Variants in CEMIP observed in about 807,000 individuals in gnomAD.
The protein encoded by CEMIP is cell migration-inducing and hyaluronan-binding protein.
A neutral mutation model predicts 156.9 loss-of-function variants in CEMIP; 105 were observed. That is an observed-to-expected ratio of 0.67 (90% CI 0.57 to 0.79). CEMIP has a LOEUF of 0.79. CEMIP is among the 30% of genes least tolerant of loss of function. The probability of loss-of-function intolerance (pLI) is 0.00; values close to 1 mark genes in which losing one functional copy is unlikely to be tolerated. For synonymous variants in CEMIP, 676 were observed against 668.4 expected (o/e 1.01, Z -0.17); for missense variants, 1,457 against 1,769.4 (o/e 0.82, Z 3.17).
intron 7 of CEMIP, among the ~76,000 whole-genome samples, chr15:80,886,638 A>G (rs1357362052): frequency 6.6e-6 from 1 of 152,246 alleles, no homozygotes; most frequent in Non-Finnish European, 1.5e-5. Context: ...AGAAAAGCAC[A>G]CAAATGTATT....
At chr15:80,882,312 G>T (rs903687980) in intron 6 of CEMIP, among the ~76,000 whole-genome samples, 2 of 152,218 alleles carry the variant, frequency 1.3e-5, no homozygotes, top group African/African-American at 4.8e-5. Context: ...TGTGAGGCAA[G>T]TTCTGTTATT....
intron 24 of CEMIP, 82 bp downstream of exon 24, chr15:80,936,967 G>C (rs532795642): frequency 7.7e-7 from 1 of 1,300,318 alleles, no homozygotes; most frequent in African/African-American, 1.4e-5. Context: ...TGCGTCTAAC[G>C]AAACCACAGG....
intron 1 of CEMIP, among the ~76,000 whole-genome samples, chr15:80,796,437 C>A (rs1896225823): frequency 6.6e-6 from 1 of 152,200 alleles, no homozygotes. Flanking sequence ...TGATGGAGAA[C>A]TTGAAACCCA....
chr15:80,836,399 C>T (rs549798155), intron 1 of CEMIP, among the ~76,000 whole-genome samples: 1 of 146,784 alleles, frequency 6.8e-6, no homozygotes, highest in East Asian at 1.9e-4. Flanking sequence ...TCGCCAGTGT[C>T]TGGCATCCCT....
chr15:80,898,191 C>T (rs11638450), intron 12 of CEMIP, among the ~76,000 whole-genome samples: 50,256 of 152,124 alleles, frequency 0.33, 9,235 homozygotes, highest in Admixed American at 0.45. Flanking sequence ...AGAACATGGG[C>T]TTTGGAACAA....
intron 1 of CEMIP, among the ~76,000 whole-genome samples, chr15:80,830,124 A>C (rs1019393754): frequency 2.6e-5 from 4 of 152,164 alleles, no homozygotes; most frequent in Non-Finnish European, 5.9e-5. Flanking sequence ...CTTGTCTCAC[A>C]ATTCCTCATG....
At chr15:80,785,226 C>G (rs1311155197) in intron 1 of CEMIP, among the ~76,000 whole-genome samples, 1 of 152,206 alleles carries the variant, frequency 6.6e-6, no homozygotes, top group African/African-American at 2.4e-5. Flanking sequence ...CTAACTCTGG[C>G]TCCAGACACT....
At chr15:80,839,018 C>T (rs949620154) in intron 1 of CEMIP, among the ~76,000 whole-genome samples, 1 of 152,148 alleles carries the variant, frequency 6.6e-6, no homozygotes, top group African/African-American at 2.4e-5. Context: ...TGAGGCCACC[C>T]GCAGGCGTCT....
intron 1 of CEMIP, among the ~76,000 whole-genome samples, chr15:80,866,207 CAGGGAACTGT>C (rs1282205774): frequency 6.6e-6 from 1 of 152,164 alleles, no homozygotes; most frequent in Non-Finnish European, 1.5e-5. Flanking sequence ...TCTGTTATCA[CAGGGAACTGT>C]AGCATCTCTC....
In CEMIP at chr15:80,942,316, G is replaced by T. The variant is rs1212094824; in HGVS notation, c.3678G>T (p.Trp1226Cys). The T allele has an allele frequency of 1.2e-6, 2 of 1,614,032 alleles. No homozygotes were observed. The highest frequency in any genetic ancestry group is 2.7e-5 in the African/African-American group (2 of 74,924). ...ESSKQHFFHL[W>C]NDFAYIEVDG... ...CCAAGCAGCACTTCTTCCACCTCTG[G>T]AACGACTTCGCTTACATTGAAGTAA... The change falls in exon 27 of 30, where the codon TGG (tryptophan) becomes TGT (cysteine). Residue 1226 changes from tryptophan to cysteine, a missense_variant. By Grantham distance (215) the Trp-to-Cys change is radical (BLOSUM62 -2). Coordinates refer to ENST00000394685, the MANE Select transcript of CEMIP (RefSeq NM_001293298.2).
rs1453023560 is a variant in CEMIP at position 80,782,479 on chromosome 15, G to A, written c.-176+2865G>A. 3.9e-5 allele frequency among the ~76,000 whole-genome samples: 6 copies of A among 152,176 alleles called. No homozygotes were observed. In the South Asian group the frequency reaches 6.2e-4, roughly 16 times the overall value. ...CTTATTTGATCCCAGCTGGACTGGA[G>A]GGTCCCTTCCAGCTCTGCATTTCAG... On this transcript the variant is annotated intron_variant, in intron 1 of 29. Transcript: ENST00000394685.
chr15:80,933,061 C>CT (rs1214879227), intron 22 of CEMIP, among the ~76,000 whole-genome samples, 184 bp from the exon 23 acceptor site: 18 of 152,214 alleles, frequency 1.2e-4, no homozygotes, highest in Admixed American at 7.9e-4. Context: ...CACAGTGAAC[C>CT]TTTGACTGTG....
At chr15:80,845,356 G>A (rs61164129) in intron 1 of CEMIP, among the ~76,000 whole-genome samples, 70,491 of 151,892 alleles carry the variant, frequency 0.46, 17,270 homozygotes, top group Non-Finnish European at 0.55. Context: ...TCTTGAGCCT[G>A]GGAGGTCAAG....
chr15:80,864,241 T>C (rs1898061821), intron 1 of CEMIP, among the ~76,000 whole-genome samples: 2 of 152,242 alleles, frequency 1.3e-5, no homozygotes, highest in South Asian at 4.1e-4. Context: ...TGAGGGACTC[T>C]CATTAGGTCA....
chr15:80,872,065 C>G (rs1031986830), intron 1 of CEMIP, among the ~76,000 whole-genome samples: 1 of 152,202 alleles, frequency 6.6e-6, no homozygotes, highest in Non-Finnish European at 1.5e-5. Context: ...GGCAGAGGGC[C>G]CAGTGTGCTC....
intron 1 of CEMIP, among the ~76,000 whole-genome samples, chr15:80,780,048 C>T (rs1459107389): frequency 6.6e-6 from 1 of 152,124 alleles, no homozygotes; most frequent in Non-Finnish European, 1.5e-5. Flanking sequence ...AGCCAGCTCA[C>T]GCCGAGCTCT....
At chr15:80,840,423 G>T (rs1485146247) in intron 1 of CEMIP, among the ~76,000 whole-genome samples, 5 of 152,108 alleles carry the variant, frequency 3.3e-5, no homozygotes, top group Non-Finnish European at 7.4e-5. Flanking sequence ...TGGCCCACGG[G>T]TAATGCCTTT....
In CEMIP at chr15:80,932,935, C is replaced by T. The variant is rs1292692153; in HGVS notation, c.2794-310C>T. On this transcript the variant is annotated intron_variant, in intron 22 of 29. Coordinates refer to ENST00000394685, the MANE Select transcript of CEMIP (RefSeq NM_001293298.2). This position sits in a 1 kb window ranked among gnomAD's most constrained non-coding sequence, Gnocchi z 4.5. ...ACACTCACAGTCCTCAGTCCCCCTCCTCCATCTCTGCAGTTGGTGAAGGCT... is the reference window on the plus strand; with the variant it reads ...ACACTCACAGTCCTCAGTCCCCCTCTTCCATCTCTGCAGTTGGTGAAGGCT... 6.6e-6 allele frequency among the ~76,000 whole-genome samples: 1 copy of T among 152,224 alleles called. No homozygotes were observed. The highest frequency in any genetic ancestry group is 1.5e-5 in the Non-Finnish European group (1 of 68,044).
intron 10 of CEMIP, among the ~76,000 whole-genome samples, chr15:80,890,400 G>A (rs1199461024): frequency 1.4e-5 from 2 of 147,798 alleles, no homozygotes; most frequent in African/African-American, 5.0e-5. Flanking sequence ...CCAGTATGGT[G>A]AAACCCCCTC....
Sources: allele counts gnomAD v4.1 joint callset (sites outside exome capture counted in the v4.1 genomes callset), GRCh38; gene constraint gnomAD v4.1.1; non-coding constraint Gnocchi (gnomAD v3.1); transcripts MANE v1.5; gene names NCBI Gene and HGNC (gene_info 2026-07-23, HGNC 2026-07-21).